Variants in SSB observed in about 807,000 individuals in gnomAD.
SSB encodes the protein small RNA binding exonuclease protection factor La, also known as lupus La protein.
A neutral mutation model predicts 52.9 loss-of-function variants in SSB; 17 were observed. The observed-to-expected ratio is 0.32, with a 90% CI of 0.22 to 0.48. SSB has a LOEUF of 0.48. Ranked by LOEUF, SSB falls within the 20% of genes least tolerant of loss-of-function variation. The pLI is 0.99. For synonymous variants in SSB, 111 were observed against 152.1 expected, an observed-to-expected ratio of 0.73 and a Z score of 1.99; for missense variants, 314 against 463.6, an observed-to-expected ratio of 0.68 and a Z score of 2.96.
Position 169,810,841 on chromosome 2 carries a change from TTC to T in SSB, c.811-15_811-14del. ...AAAAACCAAGGGTATGGCTTTTGTT[TTC>T]TGTCTCTGGTATAGGGGATAATTCT... On this transcript the variant is annotated splice_polypyrimidine_tract_variant and intron_variant, in intron 9 of 11. Transcript: ENST00000260956. 1 of 1,573,564 alleles carries T rather than the reference TTC, an allele frequency of 6.4e-7. No homozygotes were observed. The highest frequency in any genetic ancestry group is 8.6e-7 in the Non-Finnish European group (1 of 1,166,846).
chr2:169,799,649 C>T (rs757060554), intron 1 of SSB: 1 of 152,138 alleles, frequency 6.6e-6, no homozygotes, highest in Admixed American at 6.5e-5. Context: ...GTAGGGGGCC[C>T]TAGATCACGG....
intron 2 of SSB, 59 bp from the exon 3 acceptor site, chr2:169,805,415 T>C: frequency 5.6e-6 from 7 of 1,247,484 alleles, no homozygotes; most frequent in Non-Finnish European, 8.1e-6. Flanking sequence ...TGTAGAGTAA[T>C]GTCAGGATTG....
intron 4 of SSB, 81 bp from the exon 5 acceptor site, chr2:169,806,704 A>G: frequency 8.4e-7 from 1 of 1,195,248 alleles, no homozygotes; most frequent in Non-Finnish European, 1.2e-6. Flanking sequence ...CATTTCAAGA[A>G]AAAATGAATC....
chr2:169,803,035 G>A (rs1347586954), intron 2 of SSB, among the ~76,000 whole-genome samples: 2 of 152,100 alleles, frequency 1.3e-5, no homozygotes, highest in Non-Finnish European at 2.9e-5. Context: ...GAGCCATACT[G>A]GCTCAAGGAT....
intron 8 of SSB, 103 bp from the exon 9 acceptor site, chr2:169,810,180 T>G: frequency 1.4e-6 from 1 of 710,606 alleles, no homozygotes; most frequent in Admixed American, 4.0e-5. Context: ...AATAGCATTT[T>G]GGTTTCTAGT....
In SSB at chr2:169,803,650, G is replaced by A. The variant is rs149140246; in HGVS notation, c.67-1824G>A. ...CTGAGGAGGAAGATCAATTGAGCCC[G>A]GGAGTTTCAGGCTGCAGTGAGCTGT... On this transcript the variant is annotated intron_variant, in intron 2 of 11. Transcript: ENST00000260956. Among the ~76,000 whole-genome samples, 10 of 152,230 alleles carry A rather than the reference G, an allele frequency of 6.6e-5. No individual in the cohort carries two copies. The South Asian group carries it at 1.7e-3, about 25-fold the overall frequency.
rs756264443 is a variant in SSB at position 169,805,802 on chromosome 2, A to G, written c.308A>G (p.Glu103Gly). 3 of 1,613,800 alleles carry G rather than the reference A, an allele frequency of 1.9e-6. No homozygotes were observed. In the African/African-American group the frequency reaches 4.0e-5, roughly 22 times the overall value. ...AAACCCCTACCTGAAGTGACTGATGAGTATAAAAATGATGTAAAAAACAGA... is the reference window on the plus strand; with the variant it reads ...AAACCCCTACCTGAAGTGACTGATGGGTATAAAAATGATGTAAAAAACAGA... ...PSKPLPEVTD[E>G]YKNDVKNRSV... is the part of the protein sequence containing the mutation. Residue 103 changes from glutamate (E) to glycine (G), a missense_variant, in exon 4 of 12, where the codon GAG (glutamate) becomes GGG (glycine). Glu to Gly is a moderately conservative substitution (Grantham distance 98). Transcript: ENST00000260956.
rs1689833564 is a variant in SSB, at chr2:169,806,592, C to T, written c.346-193C>T. The T allele has an allele frequency of 6.6e-6, 3 of 453,734 alleles. No homozygotes were observed. The Admixed American group carries it at 1.2e-4, about 18-fold the overall frequency. 28.1% of individuals were successfully genotyped at this position (453,734 alleles called of 1,614,324 possible). A position where few individuals can be genotyped will look rare whatever the true frequency, so the allele number is the denominator to read the frequency against. On this transcript the variant is annotated intron_variant, in intron 4 of 11. Coordinates refer to ENST00000260956, the MANE Select transcript of SSB (RefSeq NM_003142.5). ...CAACTGAATTATTTTGAAGCAAATA[C>T]CAGATGAATCACTTTTATTGTACTG...
chr2:169,802,809 A>G (rs553881633), intron 2 of SSB, among the ~76,000 whole-genome samples: 3 of 152,350 alleles, frequency 2.0e-5, no homozygotes, highest in Admixed American at 2.0e-4. Flanking sequence ...CCAGAGTGGT[A>G]CATTTCTAAC....
intron 2 of SSB, among the ~76,000 whole-genome samples, chr2:169,803,073 T>C (rs943955911): frequency 6.6e-6 from 1 of 152,342 alleles, no homozygotes; most frequent in East Asian, 1.9e-4. Context: ...CACTGATAAT[T>C]GTCAGTTTAC....
chr2:169,811,374 C>A, intron 11 of SSB, 51 bp downstream of exon 11: 2 of 1,487,110 alleles, frequency 1.3e-6, no homozygotes, highest in South Asian at 2.7e-5. Flanking sequence ...TTTCTACTTC[C>A]ATAAATAAAT....
chr2:169,811,134 A>G (rs1323518877), intron 10 of SSB, 49 bp from the exon 11 acceptor site: 13 of 1,593,456 alleles, frequency 8.2e-6, no homozygotes, highest in Non-Finnish European at 1.1e-5. Context: ...AACATTGACA[A>G]GAGACTTAAA....
intron 2 of SSB, among the ~76,000 whole-genome samples, chr2:169,801,943 G>T (rs1453310705): frequency 6.6e-6 from 1 of 152,118 alleles, no homozygotes; most frequent in East Asian, 1.9e-4. Context: ...TACCTTTGCA[G>T]TACTGATGCA....
chr2:169,809,739 A>G (rs1183021756), intron 8 of SSB, among the ~76,000 whole-genome samples: 1 of 151,710 alleles, frequency 6.6e-6, no homozygotes, highest in Non-Finnish European at 1.5e-5. Context: ...CAGCCTCCCG[A>G]GTAGCTGGGA....
Position 169,808,870 on chromosome 2 carries a change from GCAAAA to G in SSB, c.643_647del (p.Gln215ValfsTer6), listed in dbSNP as rs779204445. On this transcript the variant is annotated frameshift_variant, in exon 8 of 12. Transcript: ENST00000260956. LOFTEE classifies it high-confidence loss of function. Reference sequence around the variant, plus strand: ...TATTTTTATTTGTAGGGAGCAAGAAGCAAAACAAAAGTTAGAAGAAGATGCTGAAA... The same window carrying G: ...TATTTTTATTTGTAGGGAGCAAGAAGCAAAAGTTAGAAGAAGATGCTGAAA... 1 of 1,595,168 alleles carries G rather than the reference GCAAAA, an allele frequency of 6.3e-7. No homozygotes were observed. The highest frequency in any genetic ancestry group is 8.6e-7 in the Non-Finnish European group (1 of 1,163,600).
chr2:169,808,065 C>G (rs959260821), intron 6 of SSB, among the ~76,000 whole-genome samples: 3 of 152,016 alleles, frequency 2.0e-5, no homozygotes, highest in African/African-American at 7.2e-5. Context: ...GGAATTAACA[C>G]TATAGAAAAC....
At chr2:169,801,107 A>G in intron 2 of SSB, 81 bp downstream of exon 2, 1 of 1,132,172 alleles carries the variant, frequency 8.8e-7, no homozygotes, top group East Asian at 2.6e-5. Flanking sequence ...TAGTACATGG[A>G]CATATTCAAC....
intron 4 of SSB, 58 bp from the exon 5 acceptor site, chr2:169,806,727 A>T (rs192064499): frequency 7.4e-7 from 1 of 1,344,668 alleles, no homozygotes; most frequent in Admixed American, 2.0e-5. Context: ...ATTCTCTCCA[A>T]TTGTTTATCT....
In SSB at chr2:169,805,459, G is replaced by GT. The variant is rs1217598518; in HGVS notation, c.67-14dup. ...ATTATACAGTGTTCTGAAATACATT[G>GT]TAATTATCTCACAGTATTATTTTGG... is the stretch of plus-strand genomic sequence containing the variant. On this transcript the variant is annotated splice_polypyrimidine_tract_variant and intron_variant, in intron 2 of 11. Transcript: ENST00000260956. 13 of 1,574,614 alleles carry GT rather than the reference G, an allele frequency of 8.3e-6. No homozygotes were observed. The highest frequency in any genetic ancestry group is 1.0e-5 in the Non-Finnish European group (12 of 1,145,904).
Sources: gnomAD v4.1 joint callset for allele counts (sites outside exome capture counted in the v4.1 genomes callset) on GRCh38, gnomAD v4.1.1 for gene constraint, MANE v1.5 for transcripts, NCBI Gene and HGNC (gene_info 2026-07-23, HGNC 2026-07-21) for gene names.